The following DCTN6 variants were observed in gnomAD, a reference collection of about 807,000 sequenced individuals.
DCTN6 encodes dynactin 6.
Under a neutral mutation model 25.8 loss-of-function variants are expected in DCTN6, and 15 were observed. The observed-to-expected ratio is 0.58, with a 90% CI of 0.39 to 0.89. The LOEUF is 0.89. Among genes scored for constraint, DCTN6 ranks in the 40% least tolerant of loss-of-function variants. The pLI is 0.00. For missense variants in DCTN6, 198 were observed against 237.6 expected (o/e 0.83, Z 1.09); for synonymous variants, 64 against 78.3 (o/e 0.82, Z 0.96).
At chr8:30,174,478 G>T (rs1803805022) in intron 2 of DCTN6, among the ~76,000 whole-genome samples, 1 of 151,964 alleles carries the variant, frequency 6.6e-6, no homozygotes, top group African/African-American at 2.4e-5. Flanking sequence ...GACTACAGGC[G>T]CACATACCAT....
intron 4 of DCTN6, among the ~76,000 whole-genome samples, chr8:30,177,863 C>T (rs191662742): frequency 4.4e-4 from 67 of 152,280 alleles, no homozygotes; most frequent in African/African-American, 1.5e-3. Flanking sequence ...TTTAGACAAA[C>T]GCAGACACAC....
At chr8:30,156,464 T>C (rs995257944) in intron 1 of DCTN6, 58 bp downstream of exon 1, 1 of 1,563,992 alleles carries the variant, frequency 6.4e-7, no homozygotes, top group Admixed American at 1.9e-5. Flanking sequence ...TGGAACCTGT[T>C]CCTGGTCGCC....
chr8:30,157,513 G>C (rs144320444), intron 1 of DCTN6, among the ~76,000 whole-genome samples: 1,927 of 152,322 alleles, frequency 0.013, 40 homozygotes, highest in East Asian at 0.055. Flanking sequence ...TGGTACTTGT[G>C]TTTAGTCCTT....
At chr8:30,175,742 T>TGC (rs1803824720) in intron 3 of DCTN6, among the ~76,000 whole-genome samples, 1 of 152,198 alleles carries the variant, frequency 6.6e-6, no homozygotes, top group Non-Finnish European at 1.5e-5. Context: ...TGAACTAGAC[T>TGC]GTAATACGTA....
rs139694211 is a variant in DCTN6, at chr8:30,183,490, A to G, written c.*317A>G. 3.3e-4 allele frequency: 69 copies of G among 212,152 alleles called. 1 individual carries two copies. Among genetic ancestry groups the G allele is most frequent in the African/African-American group, 1.5e-3 (66 of 42,844 alleles). 13.1% of individuals were successfully genotyped at this position (212,152 alleles called of 1,614,324 possible). The stretch of plus-strand genomic sequence containing the variant: ...GACAAGAAAAGACATACTGTCATGT[A>G]TTTATATTCTAGCATAGACTAAACT... On this transcript the variant is annotated 3_prime_UTR_variant, in exon 7 of 7. Coordinates refer to ENST00000221114, the MANE Select transcript of DCTN6 (RefSeq NM_006571.4).
At chr8:30,180,767 C>A in intron 6 of DCTN6, 137 bp downstream of exon 6, 1 of 1,109,658 alleles carries the variant, frequency 9.0e-7, no homozygotes, top group Non-Finnish European at 1.2e-6. Context: ...CTCAGTGACT[C>A]GTGCCTGGAA....
At chr8:30,175,835 T>C (rs1442073786) in intron 3 of DCTN6, among the ~76,000 whole-genome samples, 1 of 152,216 alleles carries the variant, frequency 6.6e-6, no homozygotes, top group Admixed American at 6.5e-5. Context: ...AGCAACCATG[T>C]ATGGAATTTG....
intron 1 of DCTN6, among the ~76,000 whole-genome samples, chr8:30,159,033 C>T (rs1383855660): frequency 2.0e-5 from 3 of 152,078 alleles, no homozygotes; most frequent in Non-Finnish European, 2.9e-5. Context: ...CTGCCCACCT[C>T]GGCCTCCCAA....
rs1803846459 is a variant in DCTN6, at chr8:30,177,139, A to G, written c.208A>G (p.Ile70Val). ...TTCTGTTTACAGTTACCCAGATAAT[A>G]TCACTCCTGACACTGAAGATCCAGA... ...ALIINAYPDN[I>V]TPDTEDPEPK... The change falls in exon 4 of 7, where the codon ATC becomes GTC. Residue 70 changes from isoleucine to valine, a missense_variant. Ile to Val is a conservative substitution (Grantham distance 29, BLOSUM62 3). Coordinates refer to ENST00000221114, the MANE Select transcript of DCTN6 (RefSeq NM_006571.4). 2 of 1,612,946 alleles carry G rather than the reference A, an allele frequency of 1.2e-6. No individual in the cohort carries two copies. Among genetic ancestry groups the G allele is most frequent in the East Asian group, 4.5e-5 (2 of 44,816 alleles).
intron 4 of DCTN6, 64 bp downstream of exon 4, chr8:30,177,278 C>T: frequency 1.5e-6 from 2 of 1,335,656 alleles, no homozygotes; most frequent in Non-Finnish European, 2.1e-6. Flanking sequence ...AAGTCTTCTC[C>T]TGTAGAAATT....
intron 5 of DCTN6, 64 bp downstream of exon 5, chr8:30,179,519 G>C (rs1803886252): frequency 7.0e-7 from 1 of 1,425,020 alleles, no homozygotes; most frequent in East Asian, 2.4e-5. Flanking sequence ...GGTGTCCTGG[G>C]AAACAACCTA....
At position 30,158,778 on chromosome 8, in the gene DCTN6, C is replaced by CTTTTTT. The variant is rs34642265; in HGVS notation, c.23+2388_23+2393dup. Among the ~76,000 whole-genome samples the CTTTTTT allele has an allele frequency of 8.5e-5, 6 of 70,644 alleles. No homozygotes were observed. In the East Asian group the frequency reaches 1.7e-3, roughly 20 times the overall value. 46.3% of individuals were successfully genotyped at this position (70,644 alleles called of 152,430 possible). ...GAAAGCTTTGCACCATGCCTGGTTC[C>CTTTTTT]TTTTTTTTTTTTTTTTTTTTTGAGA... On this transcript the variant is annotated intron_variant, in intron 1 of 6. Coordinates refer to ENST00000221114, the MANE Select transcript of DCTN6 (RefSeq NM_006571.4).
intron 3 of DCTN6, among the ~76,000 whole-genome samples, chr8:30,175,830 C>T (rs894789060): frequency 5.3e-5 from 8 of 152,044 alleles, no homozygotes; most frequent in Non-Finnish European, 1.2e-4. Context: ...TTTATAGCAA[C>T]CATGTATGGA....
In DCTN6 at chr8:30,164,132, A is replaced by C; in HGVS notation, c.45A>C (p.Ala15=). 6.2e-7 allele frequency: 1 copy of C among 1,613,922 alleles called. No individual in the cohort carries two copies. Among genetic ancestry groups the C allele is most frequent in the East Asian group, 2.2e-5 (1 of 44,880 alleles). ...ACAGTGTGAAGATTGCTCCTGGAGC[A>C]GTTGTATGTGTAGAAAGTGAAATCA... ...TQKSVKIAPG[A]VVCVESEIRG... The change falls in exon 2 of 7, where the codon GCA becomes GCC. Residue 15 remains alanine, a synonymous_variant. Coordinates refer to ENST00000221114, the MANE Select transcript of DCTN6 (RefSeq NM_006571.4).
At chr8:30,162,520 C>A (rs1803610269) in intron 1 of DCTN6, among the ~76,000 whole-genome samples, 2 of 152,172 alleles carry the variant, frequency 1.3e-5, no homozygotes, top group Admixed American at 1.3e-4. Context: ...AGATTTAACA[C>A]CATGAATGTC....
At chr8:30,157,901 A>T (rs1563227358) in intron 1 of DCTN6, among the ~76,000 whole-genome samples, 1 of 152,238 alleles carries the variant, frequency 6.6e-6, no homozygotes, top group Non-Finnish European at 1.5e-5. Context: ...GAACAGATGT[A>T]CTATAAATAT....
At chr8:30,167,078 A>G (rs996929785) in intron 2 of DCTN6, among the ~76,000 whole-genome samples, 9 of 151,504 alleles carry the variant, frequency 5.9e-5, no homozygotes, top group African/African-American at 1.9e-4. Flanking sequence ...ACGGAAAGAG[A>G]AAGAAGGAAA....
At chr8:30,177,251 G>T in intron 4 of DCTN6, 37 bp downstream of exon 4, 1 of 1,557,424 alleles carries the variant, frequency 6.4e-7, no homozygotes, top group Non-Finnish European at 8.8e-7. Flanking sequence ...ATAATTCCTG[G>T]CTCTCCTTTA....
At chr8:30,180,868 C>T (rs1803903159) in intron 6 of DCTN6, 5 of 536,536 alleles carry the variant, frequency 9.3e-6, no homozygotes, top group Non-Finnish European at 1.6e-5. Context: ...TCTGTCTCTA[C>T]AAACACTAGA....
Sources: allele counts gnomAD v4.1 joint callset (sites outside exome capture counted in the v4.1 genomes callset), GRCh38; gene constraint gnomAD v4.1.1; transcripts MANE v1.5; gene names NCBI Gene and HGNC (gene_info 2026-07-23, HGNC 2026-07-21).